Variants in NRXN3 observed in about 807,000 individuals in gnomAD.
NRXN3 encodes the protein neurexin 3.
In NRXN3, 32 loss-of-function variants were observed where a neutral mutation model predicts 137.6. The ratio of observed to expected loss-of-function variants is 0.23; its 90% CI spans 0.18 to 0.31. The LOEUF (loss-of-function observed/expected upper bound fraction) is 0.31, where lower values mean the gene tolerates loss of function less well. NRXN3 is among the 10% of genes least tolerant of loss of function. The pLI, the probability that NRXN3 is intolerant of heterozygous loss-of-function variation, is 1.00. For missense variants in NRXN3, 1,574 were observed against 2,062.5 expected (o/e 0.76, Z 4.59); for synonymous variants, 798 against 784.5 (o/e 1.02, Z -0.29).
chr14:79,160,398 T>C (rs932017561), intron 15 of NRXN3, among the ~76,000 whole-genome samples: 5 of 151,946 alleles, frequency 3.3e-5, no homozygotes, highest in Admixed American at 2.0e-4. Flanking sequence ...ACATTGTAGG[T>C]GCCCCATTAG....
At chr14:78,346,968 A>T (rs1283027663) in intron 4 of NRXN3, among the ~76,000 whole-genome samples, 1 of 152,214 alleles carries the variant, frequency 6.6e-6, no homozygotes, top group Non-Finnish European at 1.5e-5. Context: ...ATGGTGTGGG[A>T]GACTGCATGG....
intron 20 of NRXN3, among the ~76,000 whole-genome samples, chr14:79,850,779 T>C (rs2099389826): frequency 6.6e-6 from 1 of 152,198 alleles, no homozygotes; most frequent in South Asian, 2.1e-4. Context: ...GACATGATTA[T>C]GAACTGCTAT....
intron 15 of NRXN3, among the ~76,000 whole-genome samples, chr14:79,380,532 C>A (rs1336901776): frequency 1.3e-5 from 2 of 151,666 alleles, no homozygotes; most frequent in Non-Finnish European, 1.5e-5. Flanking sequence ...TGAACTCATC[C>A]TTTTTTATGG....
In NRXN3 at chr14:79,660,207, C is replaced by T. The variant is rs530905537; in HGVS notation, c.3445-3571C>T. ...TGTGCATGATAGTTTCAAGCCTGGG[C>T]AACTCTATGGGTATTCGCCACAAGG... On this transcript the variant is annotated intron_variant, in intron 16 of 20. Coordinates refer to ENST00000335750, the MANE Select transcript of NRXN3 (RefSeq NM_001330195.2). Among the ~76,000 whole-genome samples the T allele has an allele frequency of 1.8e-3, 279 of 152,250 alleles. 1 individual carries two copies. The highest frequency in any genetic ancestry group is 6.8e-3 in the Middle Eastern group (2 of 294).
intron 4 of NRXN3, among the ~76,000 whole-genome samples, chr14:78,490,860 A>C (rs1186775111): frequency 6.6e-6 from 1 of 152,164 alleles, no homozygotes; most frequent in Non-Finnish European, 1.5e-5. Context: ...ACGGGGTAAT[A>C]ATTTTTACCT....
intron 16 of NRXN3, chr14:79,611,724 A>C (rs1023178596): frequency 6.6e-6 from 1 of 152,220 alleles, no homozygotes; most frequent in African/African-American, 2.4e-5. Context: ...TTCAGAAAGC[A>C]TTATTGTTCA....
intron 4 of NRXN3, among the ~76,000 whole-genome samples, chr14:78,505,342 C>A (rs2095966997): frequency 6.6e-6 from 1 of 152,066 alleles, no homozygotes; most frequent in African/African-American, 2.4e-5. Flanking sequence ...CTTTTTTAAT[C>A]TTATTGAAGA....
chr14:78,835,076 G>T (rs1415337791), intron 10 of NRXN3, among the ~76,000 whole-genome samples: 1 of 152,068 alleles, frequency 6.6e-6, no homozygotes, highest in African/African-American at 2.4e-5. Context: ...TATGTCAGTT[G>T]TTTACCAGTT....
intron 4 of NRXN3, among the ~76,000 whole-genome samples, chr14:78,582,921 A>G (rs916585406): frequency 6.6e-6 from 1 of 152,208 alleles, no homozygotes; most frequent in African/African-American, 2.4e-5. Flanking sequence ...CTCATATGAT[A>G]CTTCTTACTA....
At chr14:79,691,455 A>T (rs1317254804) in intron 17 of NRXN3, among the ~76,000 whole-genome samples, 1 of 152,050 alleles carries the variant, frequency 6.6e-6, no homozygotes, top group Non-Finnish European at 1.5e-5. Context: ...CAAATGTTGT[A>T]CCACTATATT....
intron 15 of NRXN3, among the ~76,000 whole-genome samples, chr14:79,180,455 A>C (rs2062804674): frequency 6.6e-6 from 1 of 152,240 alleles, no homozygotes; most frequent in African/African-American, 2.4e-5. Flanking sequence ...CAAATTTTTG[A>C]CAGTATGTTT....
chr14:78,370,417 G>A (rs1255265445), intron 4 of NRXN3, among the ~76,000 whole-genome samples: 5 of 151,544 alleles, frequency 3.3e-5, no homozygotes, highest in African/African-American at 4.9e-5. Flanking sequence ...TCAAATATTA[G>A]TTACTTCTTT....
intron 19 of NRXN3, among the ~76,000 whole-genome samples, chr14:79,754,187 CA>C (rs2099009400): frequency 6.6e-6 from 1 of 151,518 alleles, no homozygotes. Context: ...AAAACAAAAA[CA>C]AAAATTATTC....
At chr14:79,808,020 T>G (rs950938747) in intron 20 of NRXN3, among the ~76,000 whole-genome samples, 1 of 151,876 alleles carries the variant, frequency 6.6e-6, no homozygotes, top group Non-Finnish European at 1.5e-5. Flanking sequence ...ATAAGAAATA[T>G]CTCCTCAGAA....
chr14:78,403,785 C>G (rs1412019912), intron 4 of NRXN3: 2 of 985,372 alleles, frequency 2.0e-6, no homozygotes, highest in East Asian at 1.1e-4. Context: ...GGTGGTCCCT[C>G]TCTTCGTTGT....
intron 4 of NRXN3, among the ~76,000 whole-genome samples, chr14:78,379,067 G>A (rs1252273797): frequency 6.6e-6 from 1 of 151,738 alleles, no homozygotes; most frequent in Middle Eastern, 3.2e-3. Flanking sequence ...CCGCAACTTG[G>A]TAATATAAAA....
intron 15 of NRXN3, among the ~76,000 whole-genome samples, chr14:79,007,743 T>C (rs2152377285): frequency 6.9e-6 from 1 of 145,510 alleles, no homozygotes; most frequent in East Asian, 2.1e-4. Flanking sequence ...GAGGCAGAGC[T>C]TGCAGTGAGC....
chr14:79,733,955 A>T (rs536166412), intron 19 of NRXN3, among the ~76,000 whole-genome samples: 12 of 152,326 alleles, frequency 7.9e-5, no homozygotes, highest in African/African-American at 2.6e-4. Context: ...AATGATAAAC[A>T]TGACTCTAGC....
intron 15 of NRXN3, among the ~76,000 whole-genome samples, chr14:79,216,301 A>G (rs1011116685): frequency 2.0e-5 from 3 of 152,106 alleles, no homozygotes; most frequent in African/African-American, 7.2e-5. Context: ...CTGGAAAGGG[A>G]GCCTTCCAAG....
Sources: allele counts gnomAD v4.1 joint callset (sites outside exome capture counted in the v4.1 genomes callset), GRCh38; gene constraint gnomAD v4.1.1; transcripts MANE v1.5; gene names NCBI Gene and HGNC (gene_info 2026-07-23, HGNC 2026-07-21).